ZCCHC7: variants seen among roughly 807,000 people sequenced by gnomAD.
ZCCHC7 encodes the protein zinc finger CCHC-type containing 7, also known as zinc finger CCHC domain-containing protein 7.
Under a neutral mutation model 52.0 loss-of-function variants are expected in ZCCHC7, and 35 were observed. That is an observed-to-expected ratio of 0.67 (90% CI 0.51 to 0.89). The LOEUF is 0.89. Ranked by LOEUF, ZCCHC7 falls within the 40% of genes least tolerant of loss-of-function variation. ZCCHC7 has a pLI of 0.00. For synonymous variants in ZCCHC7, 217 were observed against 221.5 expected (o/e 0.98, Z 0.18); for missense variants, 574 against 649.1 (o/e 0.88, Z 1.26).
chr9:37,190,029 A>G (rs973650647), intron 2 of ZCCHC7, among the ~76,000 whole-genome samples: 8 of 152,052 alleles, frequency 5.3e-5, no homozygotes, highest in African/African-American at 1.9e-4. Context: ...TCCCCTCTTT[A>G]TACTTCCAGC....
chr9:37,198,343 AT>A (rs1269305462), intron 2 of ZCCHC7, among the ~76,000 whole-genome samples: 1 of 152,208 alleles, frequency 6.6e-6, no homozygotes, highest in Non-Finnish European at 1.5e-5. Flanking sequence ...TAAACTACAG[AT>A]TTGATCATGC....
At chr9:37,298,051 A>G (rs1003913631) in intron 2 of ZCCHC7, among the ~76,000 whole-genome samples, 13 of 152,074 alleles carry the variant, frequency 8.5e-5, no homozygotes, top group African/African-American at 2.9e-4. Context: ...TTTTTGCCCT[A>G]TGTTGGAAAG....
intron 8 of ZCCHC7, among the ~76,000 whole-genome samples, chr9:37,356,086 C>A (rs1821683902): frequency 6.6e-6 from 1 of 152,108 alleles, no homozygotes; most frequent in Admixed American, 6.6e-5. Flanking sequence ...TTGAGGTGTT[C>A]ACTATGATCC....
Position 37,234,054 on chromosome 9 carries a change from A to T in ZCCHC7, c.611-68134A>T, listed in dbSNP as rs1313358518. Among the ~76,000 whole-genome samples the T allele has an allele frequency of 2.6e-5, 4 of 151,040 alleles. No individual in the cohort carries two copies. In the East Asian group the frequency reaches 7.8e-4, roughly 29 times the overall value. On this transcript the variant is annotated intron_variant, in intron 2 of 8. Transcript: ENST00000336755. ...TTTTTAGTAGAGACAGGGTTTCACT[A>T]TGTTGGCCAGGGTTTCACTATGTTG...
At position 37,164,511 on chromosome 9, in the gene ZCCHC7, T is replaced by A. The variant is rs1291206608; in HGVS notation, c.610+37569T>A. Among the ~76,000 whole-genome samples, 29 of 146,826 alleles carry A rather than the reference T, an allele frequency of 2.0e-4. 1 individual carries two copies. The highest frequency in any genetic ancestry group is 7.5e-4 in the African/African-American group (29 of 38,806). On this transcript the variant is annotated intron_variant, in intron 2 of 8. Transcript: ENST00000336755. Reference sequence around the variant, plus strand: ...TAGATAGATAGATAGACAGACAAGATAGATAGACTCTGTCTCAGAAGGAAG... The same window carrying A: ...TAGATAGATAGATAGACAGACAAGAAAGATAGACTCTGTCTCAGAAGGAAG...
intron 6 of ZCCHC7, among the ~76,000 whole-genome samples, chr9:37,346,743 A>G (rs763517940): frequency 1.3e-5 from 2 of 152,338 alleles, no homozygotes; most frequent in South Asian, 4.1e-4. Flanking sequence ...TAGGAGGCCA[A>G]GGTGAAAGGA....
chr9:37,205,916 C>A (rs1243013564), intron 2 of ZCCHC7, among the ~76,000 whole-genome samples: 1 of 149,260 alleles, frequency 6.7e-6, no homozygotes, highest in South Asian at 2.1e-4. Flanking sequence ...TTAGTCAGTT[C>A]CTAATTTGTA....
intron 5 of ZCCHC7, among the ~76,000 whole-genome samples, chr9:37,315,221 T>G (rs923061658): frequency 6.6e-6 from 1 of 152,040 alleles, no homozygotes; most frequent in South Asian, 2.1e-4. Context: ...AAAGTATACA[T>G]ACCAGGCTCT....
chr9:37,166,371 T>A (rs1266876724), intron 2 of ZCCHC7, among the ~76,000 whole-genome samples: 1 of 152,096 alleles, frequency 6.6e-6, no homozygotes, highest in Non-Finnish European at 1.5e-5. Flanking sequence ...CACTCCAGCC[T>A]GGGTGACAGA....
chr9:37,144,410 T>C (rs1246403021), intron 2 of ZCCHC7, among the ~76,000 whole-genome samples: 2 of 151,944 alleles, frequency 1.3e-5, no homozygotes, highest in African/African-American at 2.4e-5. Context: ...TAACATCATA[T>C]GTTATTTGTG....
At chr9:37,176,798 TA>T (rs1368119545) in intron 2 of ZCCHC7, among the ~76,000 whole-genome samples, 1 of 152,186 alleles carries the variant, frequency 6.6e-6, no homozygotes, top group Non-Finnish European at 1.5e-5. Context: ...AAGGCTAAAT[TA>T]GGGGAATAAC....
chr9:37,297,045 T>G (rs1828822390), intron 2 of ZCCHC7, among the ~76,000 whole-genome samples: 1 of 152,198 alleles, frequency 6.6e-6, no homozygotes. Flanking sequence ...CCCACACTTG[T>G]TTTAGAAGCT....
At chr9:37,205,841 G>A (rs1480508117) in intron 2 of ZCCHC7, among the ~76,000 whole-genome samples, 3 of 151,920 alleles carry the variant, frequency 2.0e-5, no homozygotes, top group African/African-American at 7.2e-5. Context: ...ATTTGGTGAG[G>A]AAAGTTGAAA....
At position 37,239,375 on chromosome 9, in the gene ZCCHC7, G is replaced by A. The variant is rs563290585; in HGVS notation, c.611-62813G>A. ...ATTAGATTCTTATTACAATGCGTTT[G>A]CTCTTTGCCCTGTGATGTTGCTTTG... On this transcript the variant is annotated intron_variant, in intron 2 of 8. Transcript: ENST00000336755. 2.6e-5 allele frequency among the ~76,000 whole-genome samples: 4 copies of A among 152,138 alleles called. No homozygotes were observed. The South Asian group carries it at 8.3e-4, about 32-fold the overall frequency.
chr9:37,258,222 G>T lies in ZCCHC7; in HGVS notation c.611-43966G>T, dbSNP rs138810790. On this transcript the variant is annotated intron_variant, in intron 2 of 8. Transcript: ENST00000336755. ...CTCAATTTCTCCAGTTATAAAATAG[G>T]ACCATTTTTACATCAGCGCCTCCTC... Among the ~76,000 whole-genome samples, 1,096 of 152,162 alleles carry T rather than the reference G, an allele frequency of 7.2e-3. 13 individuals carry two copies. The highest frequency in any genetic ancestry group is 0.025 in the African/African-American group (1,017 of 41,502).
At chr9:37,291,542 C>G (rs1828536947) in intron 2 of ZCCHC7, among the ~76,000 whole-genome samples, 1 of 151,984 alleles carries the variant, frequency 6.6e-6, no homozygotes, top group Admixed American at 6.6e-5. Flanking sequence ...TGGGCAAATG[C>G]TGTAGACAGG....
intron 2 of ZCCHC7, among the ~76,000 whole-genome samples, chr9:37,241,664 A>T (rs1009273535): frequency 6.6e-6 from 1 of 151,766 alleles, no homozygotes; most frequent in African/African-American, 2.4e-5. Flanking sequence ...TGCATGGATG[A>T]ACCTGTTTTT....
intron 5 of ZCCHC7, among the ~76,000 whole-genome samples, chr9:37,311,762 A>G (rs556652521): frequency 6.6e-6 from 1 of 152,296 alleles, no homozygotes; most frequent in Admixed American, 6.5e-5. Context: ...CATATACTAC[A>G]ATATTTTTCA....
chr9:37,305,827 C>A, intron 5 of ZCCHC7, 113 bp downstream of exon 5: 7 of 963,772 alleles, frequency 7.3e-6, no homozygotes, highest in South Asian at 1.7e-5. Context: ...ATGTTTACTC[C>A]GTGAGATATA....
Sources: allele counts gnomAD v4.1 joint callset (sites outside exome capture counted in the v4.1 genomes callset), GRCh38; gene constraint gnomAD v4.1.1; transcripts MANE v1.5; gene names NCBI Gene and HGNC (gene_info 2026-07-23, HGNC 2026-07-21).